Variants in KCNIP4 observed in about 807,000 individuals in gnomAD.
KCNIP4 encodes potassium voltage-gated channel interacting protein 4, also known as Kv channel-interacting protein 4.
A neutral mutation model predicts 34.0 loss-of-function variants in KCNIP4; 12 were observed. The observed-to-expected ratio is 0.35, with a 90% confidence interval of 0.23 to 0.57. The LOEUF (loss-of-function observed/expected upper bound fraction) is 0.57, where lower values mean the gene tolerates loss of function less well. Ranked by LOEUF, KCNIP4 falls within the 20% of genes least tolerant of loss-of-function variation. KCNIP4 has a pLI of 0.83. For missense variants in KCNIP4, 238 were observed against 311.7 expected, an observed-to-expected ratio of 0.76 and a Z score of 1.78; for synonymous variants, 124 against 102.2, an observed-to-expected ratio of 1.21 and a Z score of -1.29.
intron 1 of KCNIP4, among the ~76,000 whole-genome samples, chr4:20,973,260 C>G (rs1735151854): frequency 6.6e-6 from 1 of 152,224 alleles, no homozygotes; most frequent in South Asian, 2.1e-4. Flanking sequence ...ACTCCAATAG[C>G]ACTTGCTGCT....
chr4:21,679,236 G>A (rs1355754666), intron 1 of KCNIP4, among the ~76,000 whole-genome samples: 2 of 152,094 alleles, frequency 1.3e-5, no homozygotes, highest in South Asian at 2.1e-4. Context: ...TTCCCAAACC[G>A]ACTTATCCTA....
At chr4:21,528,688 AAAGAAAGAAAG>A (rs1560488986) in intron 1 of KCNIP4, among the ~76,000 whole-genome samples, 2 of 2,092 alleles carry the variant, frequency 9.6e-4, no homozygotes, top group African/African-American at 2.7e-3. Flanking sequence ...AGAAAGAAAG[AAAGAAAGAAAG>A]AAAGAAAGAA....
chr4:21,075,895 C>T (rs143990927), intron 1 of KCNIP4, among the ~76,000 whole-genome samples: 3,564 of 152,090 alleles, frequency 0.023, 126 homozygotes, highest in African/African-American at 0.08. Context: ...CCTTCACTTA[C>T]GAAGCTTAGT....
chr4:20,969,954 T>G (rs1407172656), intron 1 of KCNIP4, among the ~76,000 whole-genome samples: 1 of 151,898 alleles, frequency 6.6e-6, no homozygotes, highest in Non-Finnish European at 1.5e-5. Flanking sequence ...CAGTTTTTTT[T>G]TTTTTGAGAC....
chr4:20,865,530 T>TA (rs1191113381), intron 2 of KCNIP4, among the ~76,000 whole-genome samples: 1 of 151,932 alleles, frequency 6.6e-6, no homozygotes, highest in Non-Finnish European at 1.5e-5. Context: ...TATTCAACAT[T>TA]AAAAAAGAAG....
rs1057375491 is a variant in KCNIP4 at position 21,572,210 on chromosome 4, A to G, written c.61+376361T>C. On this transcript the variant is annotated intron_variant, in intron 1 of 8. Coordinates refer to ENST00000382152, the MANE Select transcript of KCNIP4 (RefSeq NM_025221.6). The stretch of plus-strand genomic sequence containing the variant: ...AGAGACTGCTACTTGTCAAATAGTC[A>G]GGCAAGTATGTGTTTTGGCTCTGTG... Among the ~76,000 whole-genome samples the G allele has an allele frequency of 2.0e-4, 30 of 152,170 alleles. 1 individual carries two copies. Among genetic ancestry groups the G allele is most frequent in the Non-Finnish European group, 1.8e-4 (12 of 68,022 alleles).
At chr4:21,578,796 A>G (rs572745571) in intron 1 of KCNIP4, among the ~76,000 whole-genome samples, 7 of 152,272 alleles carry the variant, frequency 4.6e-5, no homozygotes, top group African/African-American at 1.7e-4. Flanking sequence ...ACCTTTTCTG[A>G]GCATGAAGGT....
At chr4:21,782,251 T>C (rs981091707) in intron 1 of KCNIP4, among the ~76,000 whole-genome samples, 6 of 152,114 alleles carry the variant, frequency 3.9e-5, no homozygotes, top group Non-Finnish European at 8.8e-5. Flanking sequence ...AGTAAAAAGA[T>C]AGAAATATAC....
intron 1 of KCNIP4, among the ~76,000 whole-genome samples, chr4:21,906,104 G>T (rs1339259877): frequency 2.0e-5 from 3 of 152,106 alleles, no homozygotes; most frequent in African/African-American, 7.2e-5. Context: ...AGGCTACAGT[G>T]GCAATGTTAA....
chr4:21,054,317 G>C (rs1402272501), intron 1 of KCNIP4, among the ~76,000 whole-genome samples: 1 of 151,944 alleles, frequency 6.6e-6, no homozygotes, highest in Non-Finnish European at 1.5e-5. Context: ...TCAGGAGTTC[G>C]AGATCAGCCT....
At chr4:21,943,155 A>T (rs1730298781) in intron 1 of KCNIP4, among the ~76,000 whole-genome samples, 2 of 152,220 alleles carry the variant, frequency 1.3e-5, no homozygotes, top group South Asian at 4.1e-4. Context: ...CAAAAAGTCA[A>T]CAGAACATCT....
chr4:20,971,158 T>C (rs1028587600), intron 1 of KCNIP4, among the ~76,000 whole-genome samples: 1 of 152,094 alleles, frequency 6.6e-6, no homozygotes, highest in African/African-American at 2.4e-5. Flanking sequence ...TGGAAAATGA[T>C]GGGGAGTTTG....
chr4:21,747,976 A>G (rs1410244645), intron 1 of KCNIP4, among the ~76,000 whole-genome samples: 1 of 152,164 alleles, frequency 6.6e-6, no homozygotes, highest in Non-Finnish European at 1.5e-5. Flanking sequence ...GCCAAGGAAC[A>G]TCAGGAGCCA....
At chr4:20,735,272 G>A (rs548996306) in intron 5 of KCNIP4, among the ~76,000 whole-genome samples, 8 of 152,124 alleles carry the variant, frequency 5.3e-5, no homozygotes, top group Non-Finnish European at 1.0e-4. Flanking sequence ...TATATTACTG[G>A]ATGGCTTTGT....
chr4:21,392,307 A>G (rs1451200615), intron 1 of KCNIP4, among the ~76,000 whole-genome samples: 1 of 131,044 alleles, frequency 7.6e-6, no homozygotes, highest in Non-Finnish European at 1.8e-5. Context: ...TGAGCTAACT[A>G]TTAAGAAGAT....
At chr4:21,800,517 C>T (rs1720921335) in intron 1 of KCNIP4, among the ~76,000 whole-genome samples, 1 of 152,048 alleles carries the variant, frequency 6.6e-6, no homozygotes. Flanking sequence ...ACCGTGACTC[C>T]CTAGGCAAAA....
chr4:20,958,200 G>C (rs1577435017), intron 1 of KCNIP4, among the ~76,000 whole-genome samples: 1 of 152,312 alleles, frequency 6.6e-6, no homozygotes, highest in East Asian at 1.9e-4. Flanking sequence ...AGACTGAGGA[G>C]ATTGACTTTT....
chr4:21,701,046 A>G (rs1349612547), intron 1 of KCNIP4, among the ~76,000 whole-genome samples: 1 of 152,212 alleles, frequency 6.6e-6, no homozygotes, highest in Non-Finnish European at 1.5e-5. Context: ...TGTGGTATAT[A>G]TACACATTGG....
chr4:21,748,857 C>A (rs925195623), intron 1 of KCNIP4, among the ~76,000 whole-genome samples: 1 of 152,022 alleles, frequency 6.6e-6, no homozygotes, highest in Non-Finnish European at 1.5e-5. Context: ...ATGTCCAGTT[C>A]CTGGGTTTTG....
Sources: allele counts gnomAD v4.1 joint callset (sites outside exome capture counted in the v4.1 genomes callset), GRCh38; gene constraint gnomAD v4.1.1; transcripts MANE v1.5; gene names NCBI Gene and HGNC (gene_info 2026-07-23, HGNC 2026-07-21).